The following CPM variants were observed in gnomAD, a reference collection of about 807,000 sequenced individuals.
CPM encodes carboxypeptidase M.
CPM carries 35 observed loss-of-function variants against 46.4 expected under a neutral mutation model. The observed-to-expected ratio is 0.75, with a 90% CI of 0.58 to 1.00. The LOEUF is 1.00. Among genes scored for constraint, CPM ranks in the 50% least tolerant of loss-of-function variants. The probability of loss-of-function intolerance (pLI) is 0.00; values close to 1 mark genes in which losing one functional copy is unlikely to be tolerated. For missense variants in CPM, 422 were observed against 530.4 expected (o/e 0.80, Z 2.01); for synonymous variants, 195 against 195.3 (o/e 1.00, Z 0.01).
chr12:68,939,912 T>C (rs1329783048), intron 1 of CPM, among the ~76,000 whole-genome samples: 1 of 152,118 alleles, frequency 6.6e-6, no homozygotes, highest in Non-Finnish European at 1.5e-5. Context: ...ATTTCTCTCA[T>C]AGTCTTATTG....
rs1358836027 is a variant in CPM, at chr12:68,870,338, CATT to C, written c.490_492del (p.Asn164del). 5 of 1,614,044 alleles carry C rather than the reference CATT, an allele frequency of 3.1e-6. No individual in the cohort carries two copies. Among genetic ancestry groups the C allele is most frequent in the African/African-American group, 2.7e-5 (2 of 74,914 alleles). On this transcript the variant is annotated inframe_deletion, in exon 5 of 9. Coordinates refer to ENST00000551568, the MANE Select transcript of CPM (RefSeq NM_198320.5). ...GCCACAGTTTCAGGCTGCCTTGAGA[CATT>C]ATTATATTCAAAAGCATCGGGGAAA...
At chr12:68,861,469 A>G (rs186396978) in intron 7 of CPM, among the ~76,000 whole-genome samples, 1 of 152,270 alleles carries the variant, frequency 6.6e-6, no homozygotes, top group Admixed American at 6.5e-5. Context: ...AAAACCAACC[A>G]AATCGAAGAA....
At chr12:68,933,914 C>T (rs1423653188), upstream of CPM, among the ~76,000 whole-genome samples, 2 of 152,216 alleles carry the variant, frequency 1.3e-5, no homozygotes, top group Non-Finnish European at 2.9e-5. Context: ...CCTCCACCTG[C>T]ACCTGAGTCT....
At chr12:68,918,838 G>C (rs888043377) in intron 2 of CPM, among the ~76,000 whole-genome samples, 16 of 152,288 alleles carry the variant, frequency 1.1e-4, no homozygotes, top group Admixed American at 7.8e-4. Flanking sequence ...AGCAGCTAAA[G>C]TTATCTTTCT....
At position 68,919,263 on chromosome 12, in the gene CPM, G is replaced by A. The variant is rs188508405; in HGVS notation, c.160+13415C>T. Among the ~76,000 whole-genome samples, 86 of 152,246 alleles carry A rather than the reference G, an allele frequency of 5.6e-4. 1 individual carries two copies. The South Asian group carries it at 6.0e-3, about 11-fold the overall frequency. ...GAAAATACAGTGACAAGTAGGATAG[G>A]CTCCATGCTTTCATGGAACCTATGT... On this transcript the variant is annotated intron_variant, in intron 2 of 8. Coordinates refer to ENST00000551568, the MANE Select transcript of CPM (RefSeq NM_198320.5).
At chr12:68,916,906 A>AGAG (rs1251106781) in intron 2 of CPM, among the ~76,000 whole-genome samples, 1 of 142,684 alleles carries the variant, frequency 7.0e-6, no homozygotes, top group African/African-American at 2.8e-5. Flanking sequence ...AAAAAAAAAA[A>AGAG]AGAGAGAGAG....
intron 8 of CPM, among the ~76,000 whole-genome samples, chr12:68,858,649 T>G (rs1565764843): frequency 6.6e-6 from 1 of 152,142 alleles, no homozygotes; most frequent in Non-Finnish European, 1.5e-5. Flanking sequence ...GGTTACATTT[T>G]AATCATAAAA....
At chr12:68,879,894 C>T (rs757626979) in intron 3 of CPM, among the ~76,000 whole-genome samples, 1 of 152,140 alleles carries the variant, frequency 6.6e-6, no homozygotes. Context: ...ATGTTAGATG[C>T]TCCTGGTTTC....
At chr12:68,920,967 G>T (rs191423620) in intron 2 of CPM, among the ~76,000 whole-genome samples, 2,536 of 151,642 alleles carry the variant, frequency 0.017, 71 homozygotes, top group African/African-American at 0.059. Flanking sequence ...CTTCCAAAGT[G>T]CTGGGATTAC....
intron 7 of CPM, among the ~76,000 whole-genome samples, chr12:68,864,250 G>A (rs1885334231): frequency 6.6e-6 from 1 of 152,188 alleles, no homozygotes. Context: ...TTCAAGACCA[G>A]CCTGGGCAAT....
At chr12:68,942,053 C>T (rs771742582) in intron 1 of CPM, among the ~76,000 whole-genome samples, 1 of 152,182 alleles carries the variant, frequency 6.6e-6, no homozygotes, top group African/African-American at 2.4e-5. Context: ...TCAACTCAAG[C>T]ATTCTCTGTT....
At chr12:68,894,939 G>A (rs1281288326) in intron 2 of CPM, among the ~76,000 whole-genome samples, 2 of 143,834 alleles carry the variant, frequency 1.4e-5, no homozygotes, top group African/African-American at 5.1e-5. Flanking sequence ...TGAGGCATGA[G>A]AATCACTTGA....
At chr12:68,842,197 T>A, downstream of CPM, 1 of 500,348 alleles carries the variant, frequency 2.0e-6, no homozygotes, top group Admixed American at 2.3e-5. Flanking sequence ...GTGAAGACAG[T>A]TGAAAAGATC....
chr12:68,921,162 T>C (rs1209073621), intron 2 of CPM, among the ~76,000 whole-genome samples: 2 of 149,340 alleles, frequency 1.3e-5, no homozygotes, highest in Non-Finnish European at 3.0e-5. Flanking sequence ...TGAGACAGAG[T>C]CTTGCTCTGT....
upstream of CPM, among the ~76,000 whole-genome samples, chr12:68,934,059 C>T (rs890642135): frequency 6.6e-6 from 1 of 152,116 alleles, no homozygotes; most frequent in Non-Finnish European, 1.5e-5. Context: ...GGCCAACCCC[C>T]TCTACCTCTC....
rs1592609857 is a variant in CPM at position 68,844,173 on chromosome 12, TAAG to T, written c.534-1847_534-1845del. The T allele has an allele frequency of 4.3e-5, 9 of 208,006 alleles. No homozygotes were observed. The East Asian group carries it at 6.6e-4, about 15-fold the overall frequency. The allele number at this position is 208,006 out of a possible 1,614,324, so 12.9% of individuals were successfully genotyped here. ...AGTACACGTGTTGAAAATAAATGAT[TAAG>T]AATTGTTTCAAGAATGCAATTATTT... On this transcript the variant is annotated intron_variant, in intron 5 of 5. Transcript: ENST00000551897.
chr12:68,943,012 G>A (rs528659761), intron 1 of CPM, among the ~76,000 whole-genome samples: 2 of 152,086 alleles, frequency 1.3e-5, no homozygotes, highest in Non-Finnish European at 2.9e-5. Flanking sequence ...GTCATTTTTT[G>A]TTTCCCCCAT....
chr12:68,847,305 A>C (rs1051049909), downstream of CPM: 5 of 146,436 alleles, frequency 3.4e-5, no homozygotes, highest in African/African-American at 5.1e-5. Flanking sequence ...TGACCTCTCA[A>C]AATGCTGGGA....
chr12:68,850,600 C>T (rs1340430702), downstream of CPM: 1 of 152,154 alleles, frequency 6.6e-6, no homozygotes, highest in Non-Finnish European at 1.5e-5. Context: ...TTTCCAGTTC[C>T]TACTGGAGGC....
Sources: allele counts gnomAD v4.1 joint callset (sites outside exome capture counted in the v4.1 genomes callset), GRCh38; gene constraint gnomAD v4.1.1; transcripts MANE v1.5; gene names NCBI Gene and HGNC (gene_info 2026-07-23, HGNC 2026-07-21).